C2orf76: variants seen among roughly 807,000 people sequenced by gnomAD.
C2orf76 encodes UPF0538 protein C2orf76.
C2orf76 carries 23 observed loss-of-function variants against 16.9 expected under a neutral mutation model. The observed-to-expected ratio is 1.36, with a 90% CI of 0.98 to 1.93. The LOEUF (loss-of-function observed/expected upper bound fraction) is 1.93. Among genes scored for constraint, C2orf76 ranks in the 30% most tolerant of loss-of-function variants. The probability of loss-of-function intolerance (pLI) is 0.00; values close to 1 mark genes in which losing one functional copy is unlikely to be tolerated. For missense variants in C2orf76, 152 were observed against 152.6 expected (o/e 1.00, Z 0.02); for synonymous variants, 48 against 52.3 (o/e 0.92, Z 0.35).
At chr2:119,349,277 A>G (rs1680305370) in intron 1 of C2orf76, among the ~76,000 whole-genome samples, 1 of 152,236 alleles carries the variant, frequency 6.6e-6, no homozygotes, top group African/African-American at 2.4e-5. Flanking sequence ...TGCATCAACA[A>G]TAAGTTATTT....
chr2:119,321,066 G>A (rs1679325352), intron 3 of C2orf76, 88 bp downstream of exon 3: 1 of 665,368 alleles, frequency 1.5e-6, no homozygotes, highest in Non-Finnish European at 2.4e-6. Flanking sequence ...TTTACAGATA[G>A]TCATTTTTGA....
intron 2 of C2orf76, among the ~76,000 whole-genome samples, chr2:119,321,462 C>T (rs1679339235): frequency 6.6e-6 from 1 of 152,096 alleles, no homozygotes; most frequent in South Asian, 2.1e-4. Flanking sequence ...ACAATCATGG[C>T]AGGTGAAAGA....
At chr2:119,339,251 G>A (rs866744286) in intron 2 of C2orf76, among the ~76,000 whole-genome samples, 3 of 152,152 alleles carry the variant, frequency 2.0e-5, no homozygotes, top group African/African-American at 4.8e-5. Context: ...CTCAAAGTTC[G>A]ATGATTGGAA....
chr2:119,311,347 C>T (rs1216179595), intron 5 of C2orf76: 1 of 985,320 alleles, frequency 1.0e-6, no homozygotes, highest in East Asian at 1.1e-4. Context: ...ACTTACAACC[C>T]GTCACTTAAA....
At chr2:119,309,228 A>T (rs1678897765) in intron 5 of C2orf76, among the ~76,000 whole-genome samples, 1 of 152,008 alleles carries the variant, frequency 6.6e-6, no homozygotes, top group South Asian at 2.1e-4. Context: ...CTACTACATA[A>T]AACAGTATCT....
Position 119,353,626 on chromosome 2 carries a change from C to T in C2orf76, c.-13+13164G>A, listed in dbSNP as rs1680474595. On this transcript the variant is annotated intron_variant, in intron 1 of 5. Coordinates refer to ENST00000334816, the MANE Select transcript of C2orf76 (RefSeq NM_001322331.2). The stretch of plus-strand genomic sequence containing the variant: ...TCACCCAGGCTGGAGTGCAGTGATG[C>T]GATCTCAGCTCACTGCAACCTCTGC... 2.1e-5 allele frequency among the ~76,000 whole-genome samples: 3 copies of T among 144,314 alleles called. No individual in the cohort carries two copies. In the South Asian group the frequency reaches 6.6e-4, roughly 32 times the overall value. The allele number at this position is 144,314 out of a possible 152,430, so 94.7% of individuals were successfully genotyped here.
rs766699137 is a variant in C2orf76, at chr2:119,321,221, A to AT, written c.134-18dup. 7.6e-6 allele frequency: 10 copies of AT among 1,317,414 alleles called. No homozygotes were observed. Among genetic ancestry groups the AT allele is most frequent in the South Asian group, 4.1e-5 (3 of 73,236 alleles). 81.6% of individuals were successfully genotyped at this position (1,317,414 alleles called of 1,614,324 possible). A position where few individuals can be genotyped will look rare whatever the true frequency, so the allele number is the denominator to read the frequency against. ...AAGGGATATCTACAAGAGAAAGATT[A>AT]TTTTTTTACACAATAAGCAAATAGA... is the stretch of plus-strand genomic sequence containing the variant. On this transcript the variant is annotated splice_polypyrimidine_tract_variant and intron_variant, in intron 2 of 5. Coordinates refer to ENST00000334816, the MANE Select transcript of C2orf76 (RefSeq NM_001322331.2).
chr2:119,351,854 G>A (rs115454874), intron 1 of C2orf76, among the ~76,000 whole-genome samples: 1,703 of 152,300 alleles, frequency 0.011, 13 homozygotes, highest in South Asian at 0.032. Context: ...GTCCAAGAAT[G>A]ACCAAGAAAG....
At chr2:119,291,779 G>C in the C2orf76 span, among the ~76,000 whole-genome samples, 1 of 152,198 alleles carries the variant, frequency 6.6e-6, no homozygotes, top group East Asian at 1.9e-4. Context: ...CTCTCTGCGC[G>C]ATGGGATTAG....
chr2:119,311,898 G>C (rs908235287), intron 4 of C2orf76, among the ~76,000 whole-genome samples, 195 bp from the exon 5 acceptor site: 2 of 152,086 alleles, frequency 1.3e-5, no homozygotes, highest in African/African-American at 4.8e-5. Context: ...TAAAGCAGTG[G>C]GGACAGTTCT....
the C2orf76 span, among the ~76,000 whole-genome samples, chr2:119,295,374 G>C: frequency 6.6e-6 from 1 of 152,128 alleles, no homozygotes; most frequent in Non-Finnish European, 1.5e-5. Flanking sequence ...GGAGGGAGGA[G>C]GAAGGGGCAC....
intron 3 of C2orf76, among the ~76,000 whole-genome samples, chr2:119,320,727 A>G (rs1225185198): frequency 2.0e-5 from 3 of 152,212 alleles, no homozygotes; most frequent in Non-Finnish European, 4.4e-5. Flanking sequence ...CTGAAGGTTA[A>G]TAACTGTGCC....
At chr2:119,348,715 C>T (rs1450494143) in intron 1 of C2orf76, among the ~76,000 whole-genome samples, 1 of 151,378 alleles carries the variant, frequency 6.6e-6, no homozygotes, top group African/African-American at 2.4e-5. Context: ...AGTTAAAGGG[C>T]TCGGTGCCGT....
rs532227753 is a variant in C2orf76 at position 119,323,162 on chromosome 2, G to A, written c.134-1958C>T. On this transcript the variant is annotated intron_variant, in intron 2 of 5. Transcript: ENST00000334816. Reference sequence around the variant, plus strand: ...CTCCCAAGTAGCTGGGACTACAGGCGCTCAGCACCATGCCCATAGTCCCGG... The same window carrying A: ...CTCCCAAGTAGCTGGGACTACAGGCACTCAGCACCATGCCCATAGTCCCGG... 1.0e-4 allele frequency among the ~76,000 whole-genome samples: 15 copies of A among 150,548 alleles called. No individual in the cohort carries two copies. The South Asian group carries it at 1.5e-3, about 15-fold the overall frequency.
chr2:119,286,590 C>T, the C2orf76 span, among the ~76,000 whole-genome samples: 1 of 152,114 alleles, frequency 6.6e-6, no homozygotes, highest in East Asian at 1.9e-4. Flanking sequence ...AAAGAAGCCC[C>T]ACTACACCAT....
chr2:119,344,826 T>A (rs187611711), intron 1 of C2orf76, among the ~76,000 whole-genome samples: 2 of 152,150 alleles, frequency 1.3e-5, no homozygotes, highest in African/African-American at 4.8e-5. Context: ...CAGAAATAGA[T>A]GGACAAATCT....
intron 2 of C2orf76, among the ~76,000 whole-genome samples, chr2:119,327,108 A>G (rs529169423): frequency 1.3e-5 from 2 of 152,304 alleles, no homozygotes; most frequent in East Asian, 3.9e-4. Flanking sequence ...AGCAGTGATG[A>G]TGAACAGATG....
intron 1 of C2orf76, 59 bp from the exon 2 acceptor site, chr2:119,340,030 A>C (rs1573662908): frequency 6.4e-7 from 1 of 1,555,942 alleles, no homozygotes; most frequent in Non-Finnish European, 8.8e-7. Context: ...GTCTACCAGC[A>C]CCTAGCCTGC....
chr2:119,338,341 T>C (rs1325832962), intron 2 of C2orf76, among the ~76,000 whole-genome samples: 1 of 152,208 alleles, frequency 6.6e-6, no homozygotes, highest in Non-Finnish European at 1.5e-5. Flanking sequence ...GAAGACAACT[T>C]TAGACCCCTA....
Sources: allele counts gnomAD v4.1 joint callset (sites outside exome capture counted in the v4.1 genomes callset), GRCh38; gene constraint gnomAD v4.1.1; transcripts MANE v1.5; gene names NCBI Gene and HGNC (gene_info 2026-07-23, HGNC 2026-07-21).